The following TRPM3 variants were observed in gnomAD, a reference collection of about 807,000 sequenced individuals.
The protein encoded by TRPM3 is transient receptor potential cation channel subfamily M member 3, also known as long transient receptor potential channel 3.
A neutral mutation model predicts 181.2 loss-of-function variants in TRPM3; 77 were observed. The observed-to-expected ratio is 0.42, with a 90% confidence interval of 0.35 to 0.51. The LOEUF (loss-of-function observed/expected upper bound fraction) is 0.51, where lower values mean the gene tolerates loss of function less well. Ranked by LOEUF, TRPM3 falls within the 20% of genes least tolerant of loss-of-function variation. The pLI is 0.01. For missense variants in TRPM3, 1,759 were observed against 2,196.7 expected (o/e 0.80, Z 3.98); for synonymous variants, 745 against 796.4 (o/e 0.94, Z 1.09).
intron 1 of TRPM3, 85 bp downstream of exon 1, chr9:71,121,093 G>A: frequency 7.2e-7 from 1 of 1,392,204 alleles, no homozygotes; most frequent in South Asian, 1.3e-5. Flanking sequence ...CTCCCCCAAA[G>A]GTGCGTCCCA....
chr9:71,191,553 A>C (rs1405641356), intron 1 of TRPM3, among the ~76,000 whole-genome samples: 1 of 151,502 alleles, frequency 6.6e-6, no homozygotes, highest in Non-Finnish European at 1.5e-5. Context: ...TAATTCTTAA[A>C]CTTTGAGTTC....
chr9:71,289,384 T>C (rs1260295737), intron 1 of TRPM3, among the ~76,000 whole-genome samples: 1 of 152,070 alleles, frequency 6.6e-6, no homozygotes, highest in Non-Finnish European at 1.5e-5. Flanking sequence ...AGAACCTCCA[T>C]AAATGCATTG....
At chr9:70,585,868 C>T (rs557118226) in intron 22 of TRPM3, among the ~76,000 whole-genome samples, 97 of 152,306 alleles carry the variant, frequency 6.4e-4, no homozygotes, top group African/African-American at 2.3e-3. Flanking sequence ...CTATTCTGAG[C>T]ATGGAGTGTA....
At chr9:70,968,473 G>A (rs930361697) in intron 1 of TRPM3, among the ~76,000 whole-genome samples, 1 of 152,116 alleles carries the variant, frequency 6.6e-6, no homozygotes, top group African/African-American at 2.4e-5. Flanking sequence ...TACTCCACCA[G>A]CTTGTATGAA....
chr9:71,085,001 C>T (rs1431623536), intron 1 of TRPM3, among the ~76,000 whole-genome samples: 2 of 151,918 alleles, frequency 1.3e-5, no homozygotes, highest in Non-Finnish European at 2.9e-5. Flanking sequence ...TGATCATTGA[C>T]AAAATCAACA....
In TRPM3 at chr9:70,565,818, G is replaced by A. The variant is rs57946612; in HGVS notation, c.3224-12508C>T. Reference sequence around the variant, plus strand: ...AGGTTCAGATTGAGACTTAGATCTGGCATTTTGCCATCTATGTCCTATGGG... The same window carrying A: ...AGGTTCAGATTGAGACTTAGATCTGACATTTTGCCATCTATGTCCTATGGG... On this transcript the variant is annotated intron_variant, in intron 22 of 25. Coordinates refer to ENST00000677713, the MANE Select transcript of TRPM3 (RefSeq NM_001366145.2). 4.2e-3 allele frequency among the ~76,000 whole-genome samples: 641 copies of A among 152,242 alleles called. 28 individuals are homozygous for A. The East Asian group carries it at 0.098, about 23-fold the overall frequency.
chr9:70,866,833 G>C (rs1220493916), intron 1 of TRPM3, among the ~76,000 whole-genome samples: 2 of 152,026 alleles, frequency 1.3e-5, no homozygotes, highest in Non-Finnish European at 2.9e-5. Context: ...TGTGAGGAAA[G>C]TACTACTTTT....
At chr9:70,742,475 T>C (rs569624346) in intron 8 of TRPM3, among the ~76,000 whole-genome samples, 8 of 152,244 alleles carry the variant, frequency 5.3e-5, no homozygotes, top group Admixed American at 4.6e-4. Context: ...GTTTGAACTA[T>C]GTGTTATTAA....
chr9:71,231,680 C>T (rs187999642), intron 1 of TRPM3, among the ~76,000 whole-genome samples: 1 of 152,234 alleles, frequency 6.6e-6, no homozygotes, highest in East Asian at 1.9e-4. Flanking sequence ...AACATAGCAA[C>T]AGAAAACTAA....
In TRPM3 at chr9:71,334,617, G is replaced by A. The variant is rs146308854; in HGVS notation, c.183+112036C>T. On this transcript the variant is annotated intron_variant, in intron 1 of 24. Coordinates refer to the TRPM3 transcript ENST00000357533. ...CATTTCTATCTCTGGCCACATCCCT[G>A]AACTATAATCCTTTATCTCAAATTG... Among the ~76,000 whole-genome samples the A allele has an allele frequency of 3.9e-5, 6 of 152,102 alleles. 1 individual carries two copies. The highest frequency in any genetic ancestry group is 1.4e-4 in the African/African-American group (6 of 41,520).
intron 1 of TRPM3, among the ~76,000 whole-genome samples, chr9:71,189,420 A>C (rs2077874766): frequency 6.6e-6 from 1 of 151,908 alleles, no homozygotes; most frequent in Admixed American, 6.6e-5. Context: ...GGGTACTAAC[A>C]CACGTGCATA....
intron 11 of TRPM3, among the ~76,000 whole-genome samples, chr9:70,636,738 A>T (rs1189685548): frequency 7.1e-6 from 1 of 141,680 alleles, no homozygotes; most frequent in Non-Finnish European, 1.5e-5. Flanking sequence ...CCTGGGCTGG[A>T]GTGCGGTGGT....
At chr9:70,673,067 G>A (rs769887364) in intron 9 of TRPM3, among the ~76,000 whole-genome samples, 16 of 152,102 alleles carry the variant, frequency 1.1e-4, no homozygotes, top group Non-Finnish European at 2.1e-4. Context: ...AAGAGACATG[G>A]GTTTAAGCTT....
intron 1 of TRPM3, among the ~76,000 whole-genome samples, chr9:71,260,713 T>G (rs556278776): frequency 6.6e-6 from 1 of 152,344 alleles, no homozygotes; most frequent in East Asian, 1.9e-4. Context: ...ATGCTTGTGA[T>G]TTTTGCACAT....
chr9:70,929,257 AG>A (rs1408231664), intron 1 of TRPM3, among the ~76,000 whole-genome samples: 2 of 151,340 alleles, frequency 1.3e-5, no homozygotes, highest in Non-Finnish European at 2.9e-5. Context: ...GCTGGAGTGC[AG>A]TGGTGCAATC....
At chr9:71,146,965 T>A (rs1336605108) in intron 1 of TRPM3, among the ~76,000 whole-genome samples, 1 of 152,274 alleles carries the variant, frequency 6.6e-6, no homozygotes, top group South Asian at 2.1e-4. Flanking sequence ...TGTTTGTGGC[T>A]ATTGGATGTC....
intron 8 of TRPM3, among the ~76,000 whole-genome samples, chr9:70,752,510 T>G (rs2135107975): frequency 6.6e-6 from 1 of 152,284 alleles, no homozygotes; most frequent in East Asian, 1.9e-4. Context: ...TTATTAAACA[T>G]GAGGCAAAAA....
chr9:70,751,352 T>A (rs139123261), intron 8 of TRPM3, among the ~76,000 whole-genome samples: 73 of 152,182 alleles, frequency 4.8e-4, no homozygotes, highest in African/African-American at 1.6e-3. Flanking sequence ...TGAATAATGA[T>A]AGAAAAATAT....
Position 71,183,023 on chromosome 9 carries a change from T to TA in TRPM3, c.183+263629dup, listed in dbSNP as rs939572312. Among the ~76,000 whole-genome samples, 9 of 151,804 alleles carry TA rather than the reference T, an allele frequency of 5.9e-5. No individual in the cohort carries two copies. In the East Asian group the frequency reaches 9.7e-4, roughly 16 times the overall value. On this transcript the variant is annotated intron_variant, in intron 1 of 24. Coordinates refer to the TRPM3 transcript ENST00000357533. The stretch of plus-strand genomic sequence containing the variant: ...TATTTAACTCATTCCCAAAGTGGGG[T>TA]AAAAAAAGAAAAGAAAAAGATATTA...
Sources: gnomAD v4.1 joint callset for allele counts (sites outside exome capture counted in the v4.1 genomes callset) on GRCh38, gnomAD v4.1.1 for gene constraint, MANE v1.5 for transcripts, NCBI Gene and HGNC (gene_info 2026-07-23, HGNC 2026-07-21) for gene names.